Variants in NPLOC4 observed in about 807,000 individuals in gnomAD.
NPLOC4 encodes the protein nuclear protein localization protein 4 homolog.
NPLOC4 carries 18 observed loss-of-function variants against 80.6 expected under a neutral mutation model. That is an observed-to-expected ratio of 0.22 (90% CI 0.15 to 0.33). The LOEUF (loss-of-function observed/expected upper bound fraction) is 0.33, where lower values mean the gene tolerates loss of function less well. Ranked by LOEUF, NPLOC4 falls within the 10% of genes least tolerant of loss-of-function variation. NPLOC4 has a pLI of 1.00. For synonymous variants in NPLOC4, 313 were observed against 301.5 expected (o/e 1.04, Z -0.39); for missense variants, 540 against 786.1 (o/e 0.69, Z 3.74).
At chr17:81,565,132 G>A in intron 16 of NPLOC4, 1 of 595,774 alleles carries the variant, frequency 1.7e-6, no homozygotes, top group Non-Finnish European at 3.0e-6. Context: ...AGCACTAAAG[G>A]GAAATTCTCA....
At position 81,569,004 on chromosome 17, in the gene NPLOC4, CAA is replaced by C. The variant is rs1335392904; in HGVS notation, c.1449+10_1449+11del. ...TTACCTTAAATTATGTTTCTAAAGACAAAGAGCTCACCTGTGTCTCACCCAAT... is the reference window on the plus strand; with the variant it reads ...TTACCTTAAATTATGTTTCTAAAGACAGAGCTCACCTGTGTCTCACCCAAT... On this transcript the variant is annotated intron_variant, in intron 14 of 16. Transcript: ENST00000331134. The C allele has an allele frequency of 1.3e-6, 2 of 1,541,172 alleles. No individual in the cohort carries two copies. The highest frequency in any genetic ancestry group is 2.2e-5 in the East Asian group (1 of 44,512).
At chr17:81,600,034 C>T (rs548668412) in intron 9 of NPLOC4, among the ~76,000 whole-genome samples, 66 of 151,968 alleles carry the variant, frequency 4.3e-4, no homozygotes, top group African/African-American at 1.6e-3. Context: ...CTGTTTCCCA[C>T]TTGAAGCAGT....
rs1167937085 is a variant in NPLOC4, at chr17:81,565,209, G to A, written c.1669+296C>T. Reference sequence around the variant, plus strand: ...TTTCTGATTCTCTTAAGACAATGATGTTCAAAGTGCTCCTAGGATGCCTGG... The same window carrying A: ...TTTCTGATTCTCTTAAGACAATGATATTCAAAGTGCTCCTAGGATGCCTGG... On this transcript the variant is annotated intron_variant, in intron 16 of 16. Coordinates refer to ENST00000331134, the MANE Select transcript of NPLOC4 (RefSeq NM_017921.4). 21 of 637,046 alleles carry A rather than the reference G, an allele frequency of 3.3e-5. 1 individual carries two copies. Among genetic ancestry groups the A allele is most frequent in the South Asian group, 2.2e-4 (13 of 58,840 alleles). The allele number at this position is 637,046 out of a possible 1,614,324, so 39.5% of individuals were successfully genotyped here.
At chr17:81,626,085 G>A (rs537072831) in intron 2 of NPLOC4, among the ~76,000 whole-genome samples, 1 of 151,278 alleles carries the variant, frequency 6.6e-6, no homozygotes, top group Non-Finnish European at 1.5e-5. Flanking sequence ...GGAGGTGGAG[G>A]TTGCAGTGGG....
At position 81,567,334 on chromosome 17, in the gene NPLOC4, T is replaced by C. The variant is rs928903508; in HGVS notation, c.1566+83A>G. 5 of 831,874 alleles carry C rather than the reference T, an allele frequency of 6.0e-6. No homozygotes were observed. The highest frequency in any genetic ancestry group is 1.7e-5 in the African/African-American group (1 of 59,352). The allele number at this position is 831,874 out of a possible 1,614,324, so 51.5% of individuals were successfully genotyped here. On this transcript the variant is annotated intron_variant, in intron 15 of 16. Transcript: ENST00000331134. The surrounding 1 kb of genome is among the most constrained non-coding windows in gnomAD (Gnocchi z 4.5). Reference sequence around the variant, plus strand: ...CCAGTTTCCCAATCATGCTCTGGTCTGGGAGGAAAGAAAGCAAGACACAGG... The same window carrying C: ...CCAGTTTCCCAATCATGCTCTGGTCCGGGAGGAAAGAAAGCAAGACACAGG...
Position 81,557,363 on chromosome 17 carries a change from C to A in NPLOC4, c.*1896G>T, listed in dbSNP as rs186460346. 6.6e-6 allele frequency: 1 copy of A among 152,616 alleles called. No individual in the cohort carries two copies. Among genetic ancestry groups the A allele is most frequent in the East Asian group, 1.9e-4 (1 of 5,192 alleles). The allele number at this position is 152,616 out of a possible 1,614,324, so 9.5% of individuals were successfully genotyped here. On this transcript the variant is annotated 3_prime_UTR_variant, in exon 17 of 17. Transcript: ENST00000331134. The stretch of plus-strand genomic sequence containing the variant: ...ATCAGACAAATCGCCAATGCTTTTC[C>A]TTTAGCTAAAAGACAAAAGAAAACA...
chr17:81,585,667 G>GC (rs1480487158), intron 12 of NPLOC4, among the ~76,000 whole-genome samples: 3 of 146,150 alleles, frequency 2.1e-5, no homozygotes. Context: ...TTTCTGGGGG[G>GC]GGGGGGAAAG....
chr17:81,615,631 A>G (rs1442102434), intron 3 of NPLOC4, among the ~76,000 whole-genome samples: 1 of 152,224 alleles, frequency 6.6e-6, no homozygotes, highest in Non-Finnish European at 1.5e-5. Flanking sequence ...CACTCTCAGT[A>G]ATTCACTCAC....
chr17:81,566,362 A>G (rs994474283), intron 15 of NPLOC4: 1 of 152,210 alleles, frequency 6.6e-6, no homozygotes, highest in African/African-American at 2.4e-5. Flanking sequence ...TGAGAAACGG[A>G]TAAAGCCTTC....
intron 5 of NPLOC4, among the ~76,000 whole-genome samples, chr17:81,609,967 T>C (rs2035300135): frequency 2.6e-5 from 4 of 152,212 alleles, no homozygotes; most frequent in Admixed American, 2.0e-4. Context: ...ATGCTGCCCC[T>C]TTATCACAGC....
rs1248031761 is a variant in NPLOC4, at chr17:81,565,587, C to T, written c.1587G>A (p.Leu529=). Residue 529 remains leucine (L), a synonymous_variant, in exon 16 of 17, where the codon CTG becomes CTA. Transcript: ENST00000331134. ...CCTCATTTCTGGTCCGCACGGCCTC[C>T]AGCAGCAAGCTGATGCTGTCCTACA... is the stretch of plus-strand genomic sequence containing the variant. The part of the protein sequence containing the change: ...MPLQDSISLL[L]EAVRTRNEEL... 1.9e-6 allele frequency: 3 copies of T among 1,552,296 alleles called. No individual in the cohort carries two copies. The highest frequency in any genetic ancestry group is 1.2e-5 in the South Asian group (1 of 84,072).
At chr17:81,575,005 G>A (rs2034258995) in intron 12 of NPLOC4, among the ~76,000 whole-genome samples, 1 of 152,202 alleles carries the variant, frequency 6.6e-6, no homozygotes, top group Admixed American at 6.5e-5. Context: ...TGAATGTGCT[G>A]CTTTTCTAAG....
rs1049922970 is a variant in NPLOC4 at position 81,572,129 on chromosome 17, C to T, written c.1282-41G>A. On this transcript the variant is annotated intron_variant, in intron 12 of 16. Transcript: ENST00000331134. This position sits in a 1 kb window ranked among gnomAD's most constrained non-coding sequence, Gnocchi z 4.5. ...GGGAACAGCGGTGAGCAAAGACGAT[C>T]AGTAGTAATGATTTTCCTTTCACAT... 2 of 1,362,282 alleles carry T rather than the reference C, an allele frequency of 1.5e-6. No individual in the cohort carries two copies. Among genetic ancestry groups the T allele is most frequent in the African/African-American group, 1.4e-5 (1 of 69,408 alleles). The allele number at this position is 1,362,282 out of a possible 1,614,324, so 84.4% of individuals were successfully genotyped here.
At chr17:81,635,433 G>C (rs2036041630) in intron 1 of NPLOC4, among the ~76,000 whole-genome samples, 1 of 151,394 alleles carries the variant, frequency 6.6e-6, no homozygotes, top group Non-Finnish European at 1.5e-5. Context: ...TCATCTCCAG[G>C]TTGGGAAACA....
At chr17:81,635,160 T>C (rs1294863871) in intron 1 of NPLOC4, among the ~76,000 whole-genome samples, 3 of 151,282 alleles carry the variant, frequency 2.0e-5, no homozygotes, top group African/African-American at 7.3e-5. Flanking sequence ...GCCAACACGG[T>C]GAAACCCCAT....
intron 14 of NPLOC4, among the ~76,000 whole-genome samples, chr17:81,568,619 C>T (rs2034076288): frequency 6.6e-6 from 1 of 152,248 alleles, no homozygotes; most frequent in Non-Finnish European, 1.5e-5. Context: ...AGCAGATCAA[C>T]ACTACACACG....
chr17:81,621,256 T>A (rs1408131097), intron 3 of NPLOC4, among the ~76,000 whole-genome samples: 1 of 152,172 alleles, frequency 6.6e-6, no homozygotes, highest in South Asian at 2.1e-4. Flanking sequence ...ACCACATGGG[T>A]AGGCAAACAG....
At chr17:81,620,917 G>A (rs1324346389) in intron 3 of NPLOC4, among the ~76,000 whole-genome samples, 1 of 152,016 alleles carries the variant, frequency 6.6e-6, no homozygotes, top group Non-Finnish European at 1.5e-5. Context: ...CAGCTACTCG[G>A]GAGGCTGAGG....
At chr17:81,593,362 A>G (rs1165014884) in intron 11 of NPLOC4, among the ~76,000 whole-genome samples, 1 of 152,052 alleles carries the variant, frequency 6.6e-6, no homozygotes, top group Non-Finnish European at 1.5e-5. Context: ...GCCCTTGCCC[A>G]CACAGGCCAG....
Sources: gnomAD v4.1 joint callset for allele counts (sites outside exome capture counted in the v4.1 genomes callset) on GRCh38, gnomAD v4.1.1 for gene constraint, Gnocchi (gnomAD v3.1) non-coding constraint, MANE v1.5 for transcripts, NCBI Gene and HGNC (gene_info 2026-07-23, HGNC 2026-07-21) for gene names.